Variants in EIF4EBP2 observed in about 807,000 individuals in gnomAD.
EIF4EBP2 encodes eukaryotic translation initiation factor 4E binding protein 2.
EIF4EBP2 carries 5 observed loss-of-function variants against 10.3 expected under a neutral mutation model. The ratio of observed to expected loss-of-function variants is 0.48; its 90% CI spans 0.25 to 1.02. The LOEUF (loss-of-function observed/expected upper bound fraction) is 1.02. EIF4EBP2 is among the 50% of genes least tolerant of loss of function. EIF4EBP2 has a pLI of 0.15. For missense variants in EIF4EBP2, 188 were observed against 162.2 expected (o/e 1.16, Z -0.86); for synonymous variants, 67 against 61.1 (o/e 1.10, Z -0.45).
intron 2 of EIF4EBP2, 121 bp downstream of exon 2, chr10:70,420,220 GAC>G (rs1564663269): frequency 2.0e-6 from 2 of 1,000,612 alleles, no homozygotes; most frequent in Non-Finnish European, 2.8e-6. Context: ...TTTTTTTTGA[GAC>G]ACAGTCTCAT....
At chr10:70,409,811 G>A (rs1226415674) in intron 1 of EIF4EBP2, among the ~76,000 whole-genome samples, 2 of 152,148 alleles carry the variant, frequency 1.3e-5, no homozygotes, top group African/African-American at 4.8e-5. Flanking sequence ...GTTCTCATCA[G>A]CCATGGAAAA....
At chr10:70,419,331 A>G (rs1417391577) in intron 1 of EIF4EBP2, among the ~76,000 whole-genome samples, 1 of 152,240 alleles carries the variant, frequency 6.6e-6, no homozygotes, top group East Asian at 1.9e-4. Context: ...CTTAACTGGT[A>G]AGCAGATTGT....
At chr10:70,408,217 C>G (rs1328042250) in intron 1 of EIF4EBP2, among the ~76,000 whole-genome samples, 27 of 147,812 alleles carry the variant, frequency 1.8e-4, no homozygotes, top group African/African-American at 6.6e-4. Flanking sequence ...CTGACCCCCC[C>G]ACCTCCTTCC....
In EIF4EBP2 at chr10:70,427,172, C is replaced by T. The variant is rs1845212999; in HGVS notation, c.*5425C>T. ...TTCTGGACTACATGCACATGGGCAGCTATAGATTAATCTGCAAAACCTAGT... is the reference window on the plus strand; with the variant it reads ...TTCTGGACTACATGCACATGGGCAGTTATAGATTAATCTGCAAAACCTAGT... On this transcript the variant is annotated 3_prime_UTR_variant, in exon 3 of 3. Coordinates refer to ENST00000373218, the MANE Select transcript of EIF4EBP2 (RefSeq NM_004096.5). The T allele has an allele frequency of 6.6e-6, 1 of 152,148 alleles. No homozygotes were observed. Among genetic ancestry groups the T allele is most frequent in the Non-Finnish European group, 1.5e-5 (1 of 68,038 alleles). 9.4% of individuals were successfully genotyped at this position (152,148 alleles called of 1,614,324 possible).
At position 70,428,615 on chromosome 10, in the gene EIF4EBP2, T is replaced by A. The variant is rs2132209135; in HGVS notation, c.*6868T>A. On this transcript the variant is annotated 3_prime_UTR_variant, in exon 3 of 3. Transcript: ENST00000373218. ...GTTAAATCAGTAAAGATCTTGAGTATCAACTTGGTGTTTTAATTTTTTAAA... is the reference window on the plus strand; with the variant it reads ...GTTAAATCAGTAAAGATCTTGAGTAACAACTTGGTGTTTTAATTTTTTAAA... 6.6e-6 allele frequency: 1 copy of A among 152,374 alleles called. No homozygotes were observed. The highest frequency in any genetic ancestry group is 2.1e-4 in the South Asian group (1 of 4,826). The allele number at this position is 152,374 out of a possible 1,614,324, so 9.4% of individuals were successfully genotyped here. A position where few individuals can be genotyped will look rare whatever the true frequency, so the allele number is the denominator to read the frequency against.
chr10:70,415,584 A>C (rs564708805), intron 1 of EIF4EBP2, among the ~76,000 whole-genome samples: 10 of 152,362 alleles, frequency 6.6e-5, no homozygotes. Context: ...ATACATATAG[A>C]TCAATGGAAT....
At chr10:70,411,759 T>C (rs1845048927) in intron 1 of EIF4EBP2, among the ~76,000 whole-genome samples, 1 of 152,204 alleles carries the variant, frequency 6.6e-6, no homozygotes, top group Non-Finnish European at 1.5e-5. Flanking sequence ...CCAGCCTATT[T>C]CTTAGTTTGG....
At position 70,421,667 on chromosome 10, in the gene EIF4EBP2, T is replaced by C. The variant is rs759695803; in HGVS notation, c.332-49T>C. ...GAGGGAATGACAGTTAAAACTGTTA[T>C]GCTTCTTTGTGTACGTGCTAAACTC... On this transcript the variant is annotated intron_variant, in intron 2 of 2. Coordinates refer to ENST00000373218, the MANE Select transcript of EIF4EBP2 (RefSeq NM_004096.5). 8.4e-6 allele frequency: 13 copies of C among 1,553,140 alleles called. No individual in the cohort carries two copies. The Admixed American group carries it at 1.0e-4, about 12-fold the overall frequency.
intron 1 of EIF4EBP2, among the ~76,000 whole-genome samples, chr10:70,417,133 G>A (rs1361227751): frequency 1.3e-5 from 2 of 152,134 alleles, no homozygotes; most frequent in East Asian, 1.9e-4. Context: ...GATAAGGTGC[G>A]ATATATACAT....
At chr10:70,417,826 G>C (rs1443934015) in intron 1 of EIF4EBP2, among the ~76,000 whole-genome samples, 1 of 152,078 alleles carries the variant, frequency 6.6e-6, no homozygotes, top group Non-Finnish European at 1.5e-5. Context: ...AACAAAAGTG[G>C]GGTAACTCAA....
intron 1 of EIF4EBP2, among the ~76,000 whole-genome samples, chr10:70,416,473 G>C (rs894545393): frequency 6.6e-6 from 1 of 151,530 alleles, no homozygotes; most frequent in Non-Finnish European, 1.5e-5. Flanking sequence ...CAGGTACTTG[G>C]GAGGCTGAGG....
At chr10:70,413,300 T>C (rs1260196611) in intron 1 of EIF4EBP2, among the ~76,000 whole-genome samples, 1 of 152,182 alleles carries the variant, frequency 6.6e-6, no homozygotes, top group Admixed American at 6.5e-5. Context: ...TGCCTTTACT[T>C]TGCTGGTATG....
rs1844942120 is a variant in EIF4EBP2, at chr10:70,404,162, T to C, written c.-240T>C. On this transcript the variant is annotated 5_prime_UTR_variant, in exon 1 of 3. Coordinates refer to ENST00000373218, the MANE Select transcript of EIF4EBP2 (RefSeq NM_004096.5). ...CTTCGCCCGCTTCCGGTCGTCGTCG[T>C]CGCCGCTGCTGCCGCTGCTGTTGCT... Among the ~76,000 whole-genome samples, 1 of 152,134 alleles carries C rather than the reference T, an allele frequency of 6.6e-6. No individual in the cohort carries two copies. The highest frequency in any genetic ancestry group is 1.5e-5 in the Non-Finnish European group (1 of 67,966).
At chr10:70,420,230 C>CAAA in intron 2 of EIF4EBP2, 131 bp downstream of exon 2, 4 of 858,240 alleles carry the variant, frequency 4.7e-6, no homozygotes, top group Non-Finnish European at 6.8e-6. Flanking sequence ...GACACAGTCT[C>CAAA]ATTCTGTCAC....
chr10:70,407,738 C>CCCG lies in EIF4EBP2; in HGVS notation c.145+3194_145+3195insGCC, dbSNP rs1205301614. On this transcript the variant is annotated intron_variant, in intron 1 of 2. Transcript: ENST00000373218. ...TCCCGGGCGGGGGGCTGACCCCCCC[C>CCCG]CCACCTCCCTCCCAGACGGGGCGGC... Among the ~76,000 whole-genome samples, 646 of 139,852 alleles carry CCCG rather than the reference C, an allele frequency of 4.6e-3. 23 individuals carry two copies. Among genetic ancestry groups the CCCG allele is most frequent in the African/African-American group, 0.016 (601 of 36,922 alleles). 91.7% of individuals were successfully genotyped at this position (139,852 alleles called of 152,430 possible).
At position 70,425,428 on chromosome 10, in the gene EIF4EBP2, A is replaced by T. The variant is rs565814842; in HGVS notation, c.*3681A>T. ...TTTATGGACATATCTTAAAAGCACC[A>T]CACCCCAACTGGGGATGAAAGTAGG... On this transcript the variant is annotated 3_prime_UTR_variant, in exon 3 of 3. Coordinates refer to ENST00000373218, the MANE Select transcript of EIF4EBP2 (RefSeq NM_004096.5). 6.6e-6 allele frequency: 1 copy of T among 152,390 alleles called. No homozygotes were observed. Among genetic ancestry groups the T allele is most frequent in the Admixed American group, 6.5e-5 (1 of 15,300 alleles). The allele number at this position is 152,390 out of a possible 1,614,324, so 9.4% of individuals were successfully genotyped here.
At chr10:70,415,158 GAA>G (rs377725171) in intron 1 of EIF4EBP2, among the ~76,000 whole-genome samples, 3 of 107,458 alleles carry the variant, frequency 2.8e-5, no homozygotes, top group Non-Finnish European at 3.9e-5. Flanking sequence ...ACCCTCTCTC[GAA>G]AAAAAAAAAA....
rs1447966750 is a variant in EIF4EBP2, at chr10:70,421,776, G to A, written c.*29G>A. ...TCCTGCAAGGATTAGAAGAAAAGCA[G>A]CAACACTGATACTTGTGTGCACCTG... is the stretch of plus-strand genomic sequence containing the variant. On this transcript the variant is annotated 3_prime_UTR_variant, in exon 3 of 3. Transcript: ENST00000373218. 1.2e-6 allele frequency: 2 copies of A among 1,609,960 alleles called. No individual in the cohort carries two copies.
At chr10:70,409,041 A>C (rs1019765715) in intron 1 of EIF4EBP2, among the ~76,000 whole-genome samples, 1 of 152,216 alleles carries the variant, frequency 6.6e-6, no homozygotes, top group Non-Finnish European at 1.5e-5. Context: ...CAGACTGAGC[A>C]GGGACATTCA....
Sources: allele counts gnomAD v4.1 joint callset (sites outside exome capture counted in the v4.1 genomes callset), GRCh38; gene constraint gnomAD v4.1.1; transcripts MANE v1.5; gene names NCBI Gene and HGNC (gene_info 2026-07-23, HGNC 2026-07-21).